Variants in ESYT3 observed in about 807,000 individuals in gnomAD.
ESYT3 encodes extended synaptotagmin 3.
Under a neutral mutation model 111.5 loss-of-function variants are expected in ESYT3, and 101 were observed. The observed-to-expected ratio is 0.91, with a 90% CI of 0.77 to 1.07. ESYT3 has a LOEUF of 1.07. Among genes scored for constraint, ESYT3 ranks in the 50% least tolerant of loss-of-function variants. ESYT3 has a pLI of 0.00. For synonymous variants in ESYT3, 416 were observed against 446.8 expected (o/e 0.93, Z 0.87); for missense variants, 1,097 against 1,109.4 (o/e 0.99, Z 0.16).
intron 16 of ESYT3, 126 bp downstream of exon 16, chr3:138,470,272 G>T: frequency 7.2e-7 from 1 of 1,392,808 alleles, no homozygotes; most frequent in East Asian, 2.9e-5. Flanking sequence ...TTGTATGTAA[G>T]AGAGGACACT....
chr3:138,469,376 ACTGT>A (rs1343376383), intron 14 of ESYT3, 56 bp from the exon 15 acceptor site: 21 of 1,460,586 alleles, frequency 1.4e-5, no homozygotes, highest in Non-Finnish European at 1.8e-5. Context: ...TGGGGGTAGG[ACTGT>A]CTCAAGCTGA....
intron 10 of ESYT3, among the ~76,000 whole-genome samples, chr3:138,466,681 C>T (rs1364227929): frequency 6.6e-6 from 1 of 152,080 alleles, no homozygotes; most frequent in Middle Eastern, 3.2e-3. Context: ...GGTGTTACCT[C>T]CTCTCACACA....
At chr3:138,469,925 G>A (rs776367038) in intron 15 of ESYT3, 135 bp from the exon 16 acceptor site, 10 of 625,934 alleles carry the variant, frequency 1.6e-5, no homozygotes, top group Admixed American at 1.5e-4. Flanking sequence ...TAGCTGTAGC[G>A]TGTTTGGGTC....
intron 16 of ESYT3, 58 bp downstream of exon 16, chr3:138,470,204 T>C: frequency 6.4e-7 from 1 of 1,568,252 alleles, no homozygotes; most frequent in South Asian, 1.1e-5. Context: ...CCAGGCGGGC[T>C]GGGAAGCTTG....
In ESYT3 at chr3:138,472,510, C is replaced by A. The variant is rs1388315337; in HGVS notation, c.1888C>A (p.Pro630Thr). The A allele has an allele frequency of 6.2e-7, 1 of 1,614,210 alleles. No individual in the cohort carries two copies. Among genetic ancestry groups the A allele is most frequent in the Non-Finnish European group, 8.5e-7 (1 of 1,180,030 alleles). Residue 630 changes from proline to threonine, a missense_variant, in exon 18 of 23, where the codon CCC (proline) becomes ACC (threonine). Physicochemically the swap from Pro to Thr is conservative, Grantham distance 38. Coordinates refer to ENST00000389567, the MANE Select transcript of ESYT3 (RefSeq NM_031913.5). ...QEEGPTDLPC[P>T]PDPASDTKDV... is the part of the protein sequence containing the mutation. Reference sequence around the variant, plus strand: ...AGAAGGCCCTACAGATTTGCCATGTCCCCCAGACCCTGCTTCTGATACTAA... The same window carrying A: ...AGAAGGCCCTACAGATTTGCCATGTACCCCAGACCCTGCTTCTGATACTAA...
intron 3 of ESYT3, 66 bp from the exon 4 acceptor site, chr3:138,457,502 G>A: frequency 1.4e-6 from 2 of 1,436,428 alleles, no homozygotes; most frequent in Non-Finnish European, 2.0e-6. Flanking sequence ...AGTGCCGGGG[G>A]GAGAGCTGGC....
In ESYT3 at chr3:138,472,323, G is replaced by T. The variant is rs150568485; in HGVS notation, c.1741-40G>T. 1,610 of 1,590,700 alleles carry T rather than the reference G, an allele frequency of 1.0e-3. 10 individuals are homozygous for T. In the African/African-American group the frequency reaches 0.02, roughly 20 times the overall value. Reference sequence around the variant, plus strand: ...AAACAATGGCTGAGGTTGTGGAAGTGGTGACTCAGCTCATAAGCCACCCTC... The same window carrying T: ...AAACAATGGCTGAGGTTGTGGAAGTTGTGACTCAGCTCATAAGCCACCCTC... On this transcript the variant is annotated intron_variant, in intron 17 of 22. Coordinates refer to ENST00000389567, the MANE Select transcript of ESYT3 (RefSeq NM_031913.5).
At position 138,477,101 on chromosome 3, in the gene ESYT3, A is replaced by G. The variant is rs2033520886; in HGVS notation, c.*247A>G. ...TTTTTTTGTTCAAGTCCAGAAAGAA[A>G]TGTTATATTTGTGCCTACTAAATTA... On this transcript the variant is annotated 3_prime_UTR_variant, in exon 23 of 23. Coordinates refer to ENST00000389567, the MANE Select transcript of ESYT3 (RefSeq NM_031913.5). 1.8e-5 allele frequency: 7 copies of G among 393,772 alleles called. No individual in the cohort carries two copies. The highest frequency in any genetic ancestry group is 3.2e-5 in the Non-Finnish European group (7 of 220,552). 24.4% of individuals were successfully genotyped at this position (393,772 alleles called of 1,614,324 possible). A position where few individuals can be genotyped will look rare whatever the true frequency, so the allele number is the denominator to read the frequency against.
intron 18 of ESYT3, 97 bp from the exon 19 acceptor site, chr3:138,473,439 A>T: frequency 9.3e-7 from 1 of 1,070,248 alleles, no homozygotes; most frequent in South Asian, 1.4e-5. Context: ...ACATGGCTCT[A>T]TACTCCTCAA....
At chr3:138,443,689 AGTTT>A (rs1489614248) in intron 1 of ESYT3, among the ~76,000 whole-genome samples, 2 of 151,304 alleles carry the variant, frequency 1.3e-5, no homozygotes, top group African/African-American at 4.9e-5. Context: ...GTGTCTGTTT[AGTTT>A]GTGTGTGTCT....
rs576738976 is a variant in ESYT3, at chr3:138,473,310, A to G, written c.2238-226A>G. ...AAGGTCCCAAAAGGAATCATGATAC[A>G]AAGGCAGATTCCACTTCAGGGTTCC... On this transcript the variant is annotated intron_variant, in intron 18 of 22. Coordinates refer to ENST00000389567, the MANE Select transcript of ESYT3 (RefSeq NM_031913.5). The G allele has an allele frequency of 7.8e-6, 5 of 642,292 alleles. No homozygotes were observed. In the South Asian group the frequency reaches 1.4e-4, roughly 18 times the overall value. 39.8% of individuals were successfully genotyped at this position (642,292 alleles called of 1,614,324 possible). A position where few individuals can be genotyped will look rare whatever the true frequency, so the allele number is the denominator to read the frequency against.
At chr3:138,453,988 G>A (rs2032111315) in intron 2 of ESYT3, among the ~76,000 whole-genome samples, 2 of 152,178 alleles carry the variant, frequency 1.3e-5, no homozygotes, top group Admixed American at 1.3e-4. Context: ...GCCTGGCTAG[G>A]GAATGCTTTT....
Position 138,462,147 on chromosome 3 carries a change from G to T in ESYT3, c.856G>T (p.Val286Leu). ...CACCCACCTGGTGCTGCCCAACCGTGTGACTGTGCCTGTGAAGAAGGGGCT... is the reference window on the plus strand; with the variant it reads ...CACCCACCTGGTGCTGCCCAACCGTTTGACTGTGCCTGTGAAGAAGGGGCT... ...IATHLVLPNRVTVPVKKGLDL... is the reference protein window; with the variant it reads ...IATHLVLPNRLTVPVKKGLDL... The change falls in exon 8 of 23, where the codon GTG becomes TTG. Residue 286 changes from valine (V) to leucine (L), a missense_variant. Physicochemically the swap from Val to Leu is conservative, Grantham distance 32. Transcript: ENST00000389567. 6.2e-7 allele frequency: 1 copy of T among 1,614,206 alleles called. No homozygotes were observed. Among genetic ancestry groups the T allele is most frequent in the Non-Finnish European group, 8.5e-7 (1 of 1,180,034 alleles).
intron 10 of ESYT3, 110 bp downstream of exon 10, chr3:138,465,531 A>C (rs1576456828): frequency 1.2e-6 from 1 of 806,352 alleles, no homozygotes. Flanking sequence ...CGCTGTGGTC[A>C]CCCTGACATA....
At chr3:138,438,806 G>A (rs1052473475) in intron 1 of ESYT3, among the ~76,000 whole-genome samples, 1 of 152,224 alleles carries the variant, frequency 6.6e-6, no homozygotes. Flanking sequence ...TAGCTGGAAG[G>A]AAGAATTCTC....
chr3:138,442,565 CT>C (rs1180129984), intron 1 of ESYT3, among the ~76,000 whole-genome samples: 1 of 152,232 alleles, frequency 6.6e-6, no homozygotes, highest in Non-Finnish European at 1.5e-5. Context: ...ACCCCCAGGA[CT>C]CTTGTCCATG....
At chr3:138,457,032 A>G (rs1481550676) in intron 3 of ESYT3, among the ~76,000 whole-genome samples, 1 of 151,968 alleles carries the variant, frequency 6.6e-6, no homozygotes, top group African/African-American at 2.4e-5. Flanking sequence ...CCTCCTGACC[A>G]TCGTGGGGTC....
chr3:138,434,828 G>T lies in ESYT3; in HGVS notation c.30G>T (p.Gly10=). ...GAGCAGAGGAGCCCTGCGCCCCCGG[G>T]GCCCCCAGCGCCCTGGGAGCCCAGC... is the stretch of plus-strand genomic sequence containing the variant. MRAEEPCAP[G]APSALGAQRT... The change falls in exon 1 of 23, where the codon GGG becomes GGT. Residue 10 remains glycine, a synonymous_variant. Transcript: ENST00000389567. 6.4e-7 allele frequency: 1 copy of T among 1,557,244 alleles called. No individual in the cohort carries two copies. The highest frequency in any genetic ancestry group is 8.7e-7 in the Non-Finnish European group (1 of 1,152,168).
chr3:138,468,957 G>A (rs546037560), intron 14 of ESYT3, 76 bp downstream of exon 14: 1 of 1,449,106 alleles, frequency 6.9e-7, no homozygotes, highest in African/African-American at 1.4e-5. Context: ...ACAACCCCAT[G>A]TCTTCTGGGC....
Sources: gnomAD v4.1 joint callset for allele counts (sites outside exome capture counted in the v4.1 genomes callset) on GRCh38, gnomAD v4.1.1 for gene constraint, MANE v1.5 for transcripts, NCBI Gene and HGNC (gene_info 2026-07-23, HGNC 2026-07-21) for gene names.